The following THAP12 variants were observed in gnomAD, a reference collection of about 807,000 sequenced individuals.
The protein encoded by THAP12 is THAP domain containing 12.
In THAP12, 20 loss-of-function variants were observed where a neutral mutation model predicts 63.0. The ratio of observed to expected loss-of-function variants is 0.32; its 90% CI spans 0.22 to 0.46. The LOEUF (loss-of-function observed/expected upper bound fraction) is 0.46, where lower values mean the gene tolerates loss of function less well. Among genes scored for constraint, THAP12 ranks in the 20% least tolerant of loss-of-function variants. The pLI, the probability that THAP12 is intolerant of heterozygous loss-of-function variation, is 1.00. For synonymous variants in THAP12, 264 were observed against 328.4 expected (o/e 0.80, Z 2.12); for missense variants, 568 against 908.2 (o/e 0.63, Z 4.81).
At chr11:76,377,091 G>T (rs1447032001) in intron 1 of THAP12, among the ~76,000 whole-genome samples, 1 of 152,138 alleles carries the variant, frequency 6.6e-6, no homozygotes, top group African/African-American at 2.4e-5. Context: ...CCTCAGATCT[G>T]TTCTTTGCTC....
chr11:76,365,451 C>A (rs1946625017), intron 2 of THAP12, among the ~76,000 whole-genome samples: 1 of 151,918 alleles, frequency 6.6e-6, no homozygotes, highest in Non-Finnish European at 1.5e-5. Flanking sequence ...GTGGCATGAA[C>A]ACAACTCTCT....
In THAP12 at chr11:76,365,496, A is replaced by G. The variant is rs192530123; in HGVS notation, c.210+356T>C. ...ACGTCATGGGCTCAAGTATCCTCCC[A>G]TCTCAGCTTCCCAAGTAGCTGGGAC... is the stretch of plus-strand genomic sequence containing the variant. On this transcript the variant is annotated intron_variant, in intron 2 of 4. Coordinates refer to ENST00000260045, the MANE Select transcript of THAP12 (RefSeq NM_004705.4). Among the ~76,000 whole-genome samples, 58 of 152,010 alleles carry G rather than the reference A, an allele frequency of 3.8e-4. 2 individuals are homozygous for G. The East Asian group carries it at 0.011, about 28-fold the overall frequency.
chr11:76,372,590 A>T (rs59234529), intron 1 of THAP12, among the ~76,000 whole-genome samples: 25 of 124,076 alleles, frequency 2.0e-4, no homozygotes, highest in African/African-American at 7.5e-4. Context: ...TGTTACATTT[A>T]AAAAAAAAAA....
chr11:76,370,830 GAA>G (rs371784735), intron 1 of THAP12, among the ~76,000 whole-genome samples: 8 of 135,530 alleles, frequency 5.9e-5, no homozygotes, highest in African/African-American at 1.9e-4. Flanking sequence ...CAAAAAAAAA[GAA>G]AAAAAAAAAA....
At position 76,351,686 on chromosome 11, in the gene THAP12, A is replaced by G. The variant is rs1306886233; in HGVS notation, c.1464T>C (p.Asn488=). 6.3e-7 allele frequency: 1 copy of G among 1,589,230 alleles called. No individual in the cohort carries two copies. The highest frequency in any genetic ancestry group is 8.6e-7 in the Non-Finnish European group (1 of 1,169,266). Residue 488 remains asparagine, a synonymous_variant, in exon 5 of 5, where the codon AAT becomes AAC. Coordinates refer to ENST00000260045, the MANE Select transcript of THAP12 (RefSeq NM_004705.4). ...DFIVTIVVLK[N]VLSFTRAFGK... Reference sequence around the variant, plus strand: ...CAAAGGCTCTTGTAAAAGATAGGACATTTTTAAGAACAACAATAGTAACAA... The same window carrying G: ...CAAAGGCTCTTGTAAAAGATAGGACGTTTTTAAGAACAACAATAGTAACAA...
At chr11:76,363,309 A>G (rs1160503616) in intron 2 of THAP12, among the ~76,000 whole-genome samples, 1 of 152,250 alleles carries the variant, frequency 6.6e-6, no homozygotes, top group Admixed American at 6.5e-5. Context: ...TCTAGCATCA[A>G]AATAATAAAA....
intron 1 of THAP12, among the ~76,000 whole-genome samples, chr11:76,367,476 G>A (rs1946639715): frequency 6.6e-6 from 1 of 152,126 alleles, no homozygotes; most frequent in Non-Finnish European, 1.5e-5. Context: ...AGGGTGGAGT[G>A]CAGTGGTGTG....
intron 1 of THAP12, chr11:76,368,537 G>A (rs534094757): frequency 8.5e-5 from 13 of 152,310 alleles, no homozygotes; most frequent in African/African-American, 2.9e-4. Flanking sequence ...GAGGTTGAAA[G>A]AATTACACTA....
chr11:76,370,843 A>AAAAAT (rs1555025512), intron 1 of THAP12, among the ~76,000 whole-genome samples: 1 of 141,530 alleles, frequency 7.1e-6, no homozygotes, highest in Admixed American at 7.2e-5. Context: ...AAAAAAAAAA[A>AAAAAT]ATATATATAT....
chr11:76,357,767 C>T (rs1946571081), intron 3 of THAP12: 1 of 151,984 alleles, frequency 6.6e-6, no homozygotes, highest in Admixed American at 6.6e-5. Context: ...CCTATGTTAA[C>T]AAAATAGAGA....
At chr11:76,364,258 A>T (rs961030174) in intron 2 of THAP12, 9 of 187,246 alleles carry the variant, frequency 4.8e-5, no homozygotes, top group Non-Finnish European at 1.0e-4. Flanking sequence ...TTGGTTGATC[A>T]TTATTACCCT....
intron 2 of THAP12, among the ~76,000 whole-genome samples, chr11:76,363,287 GAAT>G (rs1452488679): frequency 6.6e-6 from 1 of 152,096 alleles, no homozygotes; most frequent in African/African-American, 2.4e-5. Flanking sequence ...GAGCATAAAA[GAAT>G]AATCTTACTC....
At chr11:76,373,951 A>C (rs1946691474) in intron 1 of THAP12, among the ~76,000 whole-genome samples, 1 of 152,202 alleles carries the variant, frequency 6.6e-6, no homozygotes, top group African/African-American at 2.4e-5. Context: ...GCATTTTCCA[A>C]AACAAAAATA....
intron 2 of THAP12, among the ~76,000 whole-genome samples, chr11:76,365,356 AGTTTT>A (rs201045167): frequency 2.3e-4 from 35 of 150,820 alleles, no homozygotes; most frequent in Middle Eastern, 3.6e-3. Context: ...GGAACCGAAG[AGTTTT>A]GTTTTGTTTT....
chr11:76,374,000 C>T (rs1236386104), intron 1 of THAP12, among the ~76,000 whole-genome samples: 2 of 152,156 alleles, frequency 1.3e-5, no homozygotes, highest in Non-Finnish European at 2.9e-5. Context: ...TTTTGCAAAT[C>T]TCTTTAACGT....
rs1946518661 is a variant in THAP12 at position 76,350,554 on chromosome 11, C to CTTTCTTTG, written c.*309_*310insCAAAGAAA. 1 of 196,378 alleles carries CTTTCTTTG rather than the reference C, an allele frequency of 5.1e-6. No homozygotes were observed. The highest frequency in any genetic ancestry group is 6.0e-5 in the Admixed American group (1 of 16,694). 12.2% of individuals were successfully genotyped at this position (196,378 alleles called of 1,614,324 possible). On this transcript the variant is annotated 3_prime_UTR_variant, in exon 5 of 5. Transcript: ENST00000260045. ...TCTTCAAAGAATTCATAACACCCAA[C>CTTTCTTTG]AAGTAGAGATCCACAGTGATAATAA... is the stretch of plus-strand genomic sequence containing the variant.
At position 76,351,497 on chromosome 11, in the gene THAP12, T is replaced by C; in HGVS notation, c.1653A>G (p.Lys551=). The change falls in exon 5 of 5, where the codon AAA becomes AAG. Residue 551 remains lysine, a synonymous_variant. Transcript: ENST00000260045. ...NLATKLDIQM[K]LPGKFRRAHQ... is the part of the protein sequence containing the mutation. Reference sequence around the variant, plus strand: ...GAGCTCTGCGGAATTTCCCAGGGAGTTTCATTTGAATATCAAGTTTGGTTG... The same window carrying C: ...GAGCTCTGCGGAATTTCCCAGGGAGCTTCATTTGAATATCAAGTTTGGTTG... 1 of 1,559,324 alleles carries C rather than the reference T, an allele frequency of 6.4e-7. No individual in the cohort carries two copies. Among genetic ancestry groups the C allele is most frequent in the Non-Finnish European group, 8.7e-7 (1 of 1,151,858 alleles).
chr11:76,355,847 C>T (rs1946557534), intron 3 of THAP12, 193 bp from the exon 4 acceptor site: 1 of 433,216 alleles, frequency 2.3e-6, no homozygotes. Context: ...CTGTTAATGA[C>T]TCCAAGGTTA....
intron 2 of THAP12, 127 bp downstream of exon 2, chr11:76,365,725 T>C: frequency 1.6e-6 from 2 of 1,231,138 alleles, no homozygotes; most frequent in Non-Finnish European, 2.2e-6. Flanking sequence ...CAAATCTGTC[T>C]TCATCTTAAA....
Sources: allele counts gnomAD v4.1 joint callset (sites outside exome capture counted in the v4.1 genomes callset), GRCh38; gene constraint gnomAD v4.1.1; transcripts MANE v1.5; gene names NCBI Gene and HGNC (gene_info 2026-07-23, HGNC 2026-07-21).